The following PEX5L variants were observed in gnomAD, a reference collection of about 807,000 sequenced individuals.
The protein encoded by PEX5L is PEX5-related protein.
In PEX5L, 30 loss-of-function variants were observed where a neutral mutation model predicts 84.0. The ratio of observed to expected loss-of-function variants is 0.36; its 90% CI spans 0.27 to 0.48. The LOEUF is 0.48. Ranked by LOEUF, PEX5L falls within the 20% of genes least tolerant of loss-of-function variation. The pLI, the probability that PEX5L is intolerant of heterozygous loss-of-function variation, is 0.99. For synonymous variants in PEX5L, 270 were observed against 283.1 expected (o/e 0.95, Z 0.46); for missense variants, 533 against 754.6 (o/e 0.71, Z 3.44).
intron 1 of PEX5L, among the ~76,000 whole-genome samples, chr3:179,977,206 A>G (rs180814800): frequency 6.6e-6 from 1 of 152,380 alleles, no homozygotes; most frequent in East Asian, 1.9e-4. Context: ...TGAGAGATCC[A>G]TAACATTGCC....
At chr3:179,905,454 T>C (rs1020212240) in intron 2 of PEX5L, among the ~76,000 whole-genome samples, 7 of 152,100 alleles carry the variant, frequency 4.6e-5, no homozygotes, top group Non-Finnish European at 1.0e-4. Context: ...TTTGTGTTTT[T>C]AGTAGAGACG....
intron 2 of PEX5L, among the ~76,000 whole-genome samples, chr3:179,902,273 C>T (rs138501380): frequency 2.6e-5 from 4 of 152,292 alleles, no homozygotes; most frequent in South Asian, 2.1e-4. Context: ...TTTTCTGCTT[C>T]GTCTCTACCA....
At chr3:180,008,079 A>C (rs1789091932) in intron 1 of PEX5L, among the ~76,000 whole-genome samples, 1 of 152,196 alleles carries the variant, frequency 6.6e-6, no homozygotes, top group Non-Finnish European at 1.5e-5. Context: ...CAAATTTTCC[A>C]AACTTTTATG....
intron 1 of PEX5L, among the ~76,000 whole-genome samples, chr3:180,033,359 T>C (rs1030224801): frequency 2.6e-5 from 4 of 151,992 alleles, no homozygotes; most frequent in East Asian, 3.8e-4. Flanking sequence ...CAATTACAAA[T>C]AGATTTTTTG....
chr3:179,830,190 A>G (rs1057409468), intron 8 of PEX5L, among the ~76,000 whole-genome samples: 1 of 151,648 alleles, frequency 6.6e-6, no homozygotes, highest in Non-Finnish European at 1.5e-5. Context: ...TGGAGGGGGG[A>G]AAAAACCTGT....
chr3:180,011,632 G>A (rs1224242562), intron 1 of PEX5L, among the ~76,000 whole-genome samples: 1 of 152,162 alleles, frequency 6.6e-6, no homozygotes. Context: ...TTAAGTGATT[G>A]TAAATAAAAT....
Position 179,803,546 on chromosome 3 carries a change from G to A in PEX5L, c.1677-1514C>T, listed in dbSNP as rs116321050. On this transcript the variant is annotated intron_variant, in intron 14 of 14. Transcript: ENST00000467460. ...TGCTCAGGTGCCAGGTGCACCTGCT[G>A]GGTCTGCCCTCTTCAGCAGCCCCAT... Among the ~76,000 whole-genome samples, 309 of 152,274 alleles carry A rather than the reference G, an allele frequency of 2.0e-3. 1 individual carries two copies. Among genetic ancestry groups the A allele is most frequent in the African/African-American group, 7.1e-3 (294 of 41,552 alleles).
At chr3:179,839,094 G>A (rs957281702) in intron 8 of PEX5L, among the ~76,000 whole-genome samples, 2 of 151,914 alleles carry the variant, frequency 1.3e-5, no homozygotes, top group East Asian at 3.9e-4. Flanking sequence ...TTTTGCAGGT[G>A]ATATATGAGA....
intron 7 of PEX5L, among the ~76,000 whole-genome samples, chr3:179,861,984 C>T (rs1037172806): frequency 6.6e-6 from 1 of 152,168 alleles, no homozygotes; most frequent in Non-Finnish European, 1.5e-5. Flanking sequence ...CTACCACAAA[C>T]TGGTTGACTT....
intron 1 of PEX5L, among the ~76,000 whole-genome samples, chr3:179,993,660 C>A (rs1178071289): frequency 6.6e-6 from 1 of 151,972 alleles, no homozygotes. Flanking sequence ...CCACCACACC[C>A]GGCTAATTTT....
At chr3:180,035,013 T>C (rs990551330) in intron 1 of PEX5L, among the ~76,000 whole-genome samples, 2 of 152,184 alleles carry the variant, frequency 1.3e-5, no homozygotes, top group African/African-American at 4.8e-5. Context: ...GATTCTTCAT[T>C]CACAGTAACA....
intron 1 of PEX5L, among the ~76,000 whole-genome samples, chr3:179,985,357 G>T (rs1786717641): frequency 6.6e-6 from 1 of 152,226 alleles, no homozygotes; most frequent in African/African-American, 2.4e-5. Context: ...AATGGCATAT[G>T]CAAAAGCTTC....
chr3:179,988,325 C>A (rs898129984), intron 1 of PEX5L, among the ~76,000 whole-genome samples: 3 of 151,486 alleles, frequency 2.0e-5, no homozygotes, highest in African/African-American at 7.3e-5. Context: ...CGCTTGAACC[C>A]GGGAGGCAGA....
intron 2 of PEX5L, among the ~76,000 whole-genome samples, chr3:179,935,199 A>G (rs1163302157): frequency 1.3e-5 from 2 of 152,186 alleles, no homozygotes; most frequent in African/African-American, 4.8e-5. Flanking sequence ...ATAACATGGG[A>G]AAAAGGCACT....
At chr3:179,910,306 G>A (rs1317623436) in intron 2 of PEX5L, among the ~76,000 whole-genome samples, 2 of 152,194 alleles carry the variant, frequency 1.3e-5, no homozygotes, top group Admixed American at 6.5e-5. Context: ...ACCAAATGGA[G>A]GCTTTAGTCA....
At chr3:179,960,413 A>C (rs148792277) in intron 2 of PEX5L, among the ~76,000 whole-genome samples, 72 of 152,328 alleles carry the variant, frequency 4.7e-4, no homozygotes, top group African/African-American at 1.7e-3. Flanking sequence ...GCTGGATGAC[A>C]ATGGACAGCC....
chr3:179,840,925 A>T (rs906602831), intron 8 of PEX5L, among the ~76,000 whole-genome samples: 2 of 152,194 alleles, frequency 1.3e-5, no homozygotes, highest in South Asian at 4.1e-4. Context: ...TTAGATATTC[A>T]TTCAATTTGG....
In PEX5L at chr3:179,988,748, A is replaced by T. The variant is rs986587036; in HGVS notation, c.22-17083T>A. Among the ~76,000 whole-genome samples the T allele has an allele frequency of 3.9e-5, 6 of 152,356 alleles. No individual in the cohort carries two copies. In the South Asian group the frequency reaches 1.2e-3, roughly 32 times the overall value. On this transcript the variant is annotated intron_variant, in intron 1 of 14. Coordinates refer to ENST00000467460, the MANE Select transcript of PEX5L (RefSeq NM_016559.3). ...TTAGAAAAACTAAGCAGACAACAAG[A>T]TGTAGAATTCACTGAAGATACATTT... is the stretch of plus-strand genomic sequence containing the variant.
At chr3:179,893,689 T>C (rs1318063846) in intron 3 of PEX5L, among the ~76,000 whole-genome samples, 1 of 152,166 alleles carries the variant, frequency 6.6e-6, no homozygotes, top group East Asian at 1.9e-4. Flanking sequence ...AAGTAAAATA[T>C]TCTGTTTTTA....
Sources: gnomAD v4.1 joint callset for allele counts (sites outside exome capture counted in the v4.1 genomes callset) on GRCh38, gnomAD v4.1.1 for gene constraint, MANE v1.5 for transcripts, NCBI Gene and HGNC (gene_info 2026-07-23, HGNC 2026-07-21) for gene names.